Variants in GPR141 observed in about 807,000 individuals in gnomAD.
GPR141 encodes probable G protein-coupled receptor 141.
In GPR141, 6 loss-of-function variants were observed where a neutral mutation model predicts 6.8. The observed-to-expected ratio is 0.88, with a 90% CI of 0.48 to 1.74. GPR141 has a LOEUF of 1.74. Among genes scored for constraint, GPR141 ranks in the 40% most tolerant of loss-of-function variants. The probability of loss-of-function intolerance (pLI) is 0.01; values close to 1 mark genes in which losing one functional copy is unlikely to be tolerated. For missense variants in GPR141, 372 were observed against 372.9 expected, an observed-to-expected ratio of 1.00 and a Z score of 0.02; for synonymous variants, 140 against 142.3, an observed-to-expected ratio of 0.98 and a Z score of 0.11.
chr7:37,717,277 T>A (rs145338948), intron 2 of GPR141, among the ~76,000 whole-genome samples: 8 of 152,334 alleles, frequency 5.3e-5, no homozygotes, highest in African/African-American at 1.4e-4. Flanking sequence ...GAAAGCTCAG[T>A]TTCTTTCTTC....
At chr7:37,726,697 G>A (rs527520836) in intron 2 of GPR141, among the ~76,000 whole-genome samples, 8 of 152,096 alleles carry the variant, frequency 5.3e-5, no homozygotes, top group Non-Finnish European at 7.4e-5. Context: ...AGTATGTGGT[G>A]TATATTATAT....
rs575765441 is a variant in GPR141, at chr7:37,729,667, C to T, written c.-14-10713C>T. ...TTTTTGAGAAAGGAGCTGAGAATGT[C>T]CCGGGGGCCTGAAGGGCTTGAAAGA... On this transcript the variant is annotated intron_variant, in intron 2 of 2. Transcript: ENST00000334425. Among the ~76,000 whole-genome samples the T allele has an allele frequency of 7.9e-5, 12 of 152,292 alleles. No homozygotes were observed. In the East Asian group the frequency reaches 2.1e-3, roughly 27 times the overall value.
At chr7:37,697,425 T>C (rs1399589516) in intron 2 of GPR141, among the ~76,000 whole-genome samples, 1 of 152,254 alleles carries the variant, frequency 6.6e-6, no homozygotes, top group Non-Finnish European at 1.5e-5. Flanking sequence ...TAAAGTTTAT[T>C]TTAAAAACTT....
Position 37,740,639 on chromosome 7 carries a change from G to A in GPR141, c.246G>A (p.Met82Ile), listed in dbSNP as rs1232527888. 1.2e-6 allele frequency: 2 copies of A among 1,614,010 alleles called. No homozygotes were observed. The highest frequency in any genetic ancestry group is 1.7e-6 in the Non-Finnish European group (2 of 1,180,016). Reference protein sequence around the residue: ...RLTYLIKKTWMFGLPFCKFVS... With the variant: ...RLTYLIKKTWIFGLPFCKFVS... The stretch of plus-strand genomic sequence containing the variant: ...CCTACCTCATCAAGAAGACTTGGAT[G>A]TTTGGGCTGCCCTTCTGCAAATTTG... The change falls in exon 3 of 3, where the codon ATG (methionine) becomes ATA (isoleucine). Residue 82 changes from methionine (M) to isoleucine (I), a missense_variant. Coordinates refer to ENST00000334425, the MANE Select transcript of GPR141 (RefSeq NM_001381946.1).
intron 2 of GPR141, among the ~76,000 whole-genome samples, chr7:37,720,666 G>C (rs555238681): frequency 2.6e-5 from 4 of 151,376 alleles, no homozygotes; most frequent in African/African-American, 9.7e-5. Flanking sequence ...GCGTGAACCC[G>C]GAAGGCGGAG....
At chr7:37,735,350 T>A (rs1372102481) in intron 2 of GPR141, among the ~76,000 whole-genome samples, 1 of 152,154 alleles carries the variant, frequency 6.6e-6, no homozygotes, top group Non-Finnish European at 1.5e-5. Context: ...TTCTGGGACT[T>A]GGGGGGATGG....
Position 37,741,439 on chromosome 7 carries a change from T to C in GPR141, c.*128T>C. The C allele has an allele frequency of 1.4e-6, 1 of 696,550 alleles. No homozygotes were observed. The highest frequency in any genetic ancestry group is 2.4e-6 in the Non-Finnish European group (1 of 424,554). The allele number at this position is 696,550 out of a possible 1,614,324, so 43.1% of individuals were successfully genotyped here. The stretch of plus-strand genomic sequence containing the variant: ...TGATGTACCCAAAACAAAAGGACTA[T>C]AAAATGCAAGAGCCCTCATTGTAGT... On this transcript the variant is annotated 3_prime_UTR_variant, in exon 3 of 3. Transcript: ENST00000334425.
At chr7:37,709,329 A>G (rs1810683002) in intron 2 of GPR141, among the ~76,000 whole-genome samples, 1 of 152,214 alleles carries the variant, frequency 6.6e-6, no homozygotes, top group Non-Finnish European at 1.5e-5. Context: ...GAAATTTTCT[A>G]TTTTATTTAA....
At chr7:37,709,016 C>T (rs775636421) in intron 2 of GPR141, among the ~76,000 whole-genome samples, 1 of 152,150 alleles carries the variant, frequency 6.6e-6, no homozygotes, top group Non-Finnish European at 1.5e-5. Context: ...TATATATCCA[C>T]AAGCTATAGC....
intron 2 of GPR141, among the ~76,000 whole-genome samples, chr7:37,695,146 CTG>C (rs1809957476): frequency 6.6e-6 from 1 of 152,198 alleles, no homozygotes; most frequent in African/African-American, 2.4e-5. Context: ...GGTTCCACTG[CTG>C]CTTGGTCTCC....
intron 2 of GPR141, among the ~76,000 whole-genome samples, chr7:37,709,169 G>T (rs558144976): frequency 6.6e-6 from 1 of 152,046 alleles, no homozygotes; most frequent in Non-Finnish European, 1.5e-5. Context: ...AGAGATCATC[G>T]TACACAGAAA....
intron 2 of GPR141, among the ~76,000 whole-genome samples, chr7:37,705,784 C>T (rs1810497330): frequency 6.6e-6 from 1 of 152,118 alleles, no homozygotes; most frequent in South Asian, 2.1e-4. Flanking sequence ...TAAGTGAGAA[C>T]CACGTGTCAC....
intron 2 of GPR141, among the ~76,000 whole-genome samples, chr7:37,701,261 C>T (rs718678): frequency 0.14 from 21,502 of 151,914 alleles, 1,860 homozygotes; most frequent in South Asian, 0.26. Context: ...CATTCATTTA[C>T]GAAAATAGTA....
intron 2 of GPR141, among the ~76,000 whole-genome samples, chr7:37,715,451 C>CT (rs1262672272): frequency 6.6e-6 from 1 of 151,918 alleles, no homozygotes; most frequent in Non-Finnish European, 1.5e-5. Flanking sequence ...TTTTTTCCTC[C>CT]TTTAAAAAAA....
intron 2 of GPR141, among the ~76,000 whole-genome samples, chr7:37,689,871 G>T (rs1389300246): frequency 2.0e-5 from 3 of 149,172 alleles, no homozygotes; most frequent in African/African-American, 7.5e-5. Flanking sequence ...CATTTCTCTT[G>T]TTATTTTTTT....
At chr7:37,732,164 G>C (rs1311162158) in intron 2 of GPR141, among the ~76,000 whole-genome samples, 10 of 115,380 alleles carry the variant, frequency 8.7e-5, no homozygotes, top group Non-Finnish European at 8.6e-5. Context: ...TTTTTTTTGA[G>C]ATGGAGTCTC....
chr7:37,742,430 G>A lies in GPR141; in HGVS notation c.*1119G>A, dbSNP rs913404369. ...CCCTGGACAGGCCCCATTGTGTGAT[G>A]TTCCCCTCCCTGTGTCCATGTGTTT... is the stretch of plus-strand genomic sequence containing the variant. On this transcript the variant is annotated 3_prime_UTR_variant, in exon 3 of 3. Coordinates refer to ENST00000334425, the MANE Select transcript of GPR141 (RefSeq NM_001381946.1). 2.1e-4 allele frequency among the ~76,000 whole-genome samples: 31 copies of A among 149,484 alleles called. No homozygotes were observed. The highest frequency in any genetic ancestry group is 1.3e-3 in the Admixed American group (19 of 14,990).
rs1761473439 is a variant in GPR141 at position 37,741,783 on chromosome 7, T to G, written c.*472T>G. 6.6e-6 allele frequency among the ~76,000 whole-genome samples: 1 copy of G among 152,266 alleles called. No homozygotes were observed. Among genetic ancestry groups the G allele is most frequent in the East Asian group, 1.9e-4 (1 of 5,186 alleles). ...TTCGCTAACCAGGTTAGATGTCCCA[T>G]TCATCTCATGCCCTGATAAAAACTG... is the stretch of plus-strand genomic sequence containing the variant. On this transcript the variant is annotated 3_prime_UTR_variant, in exon 3 of 3. Transcript: ENST00000334425.
chr7:37,734,346 T>G (rs536737592), intron 2 of GPR141, among the ~76,000 whole-genome samples: 1 of 152,352 alleles, frequency 6.6e-6, no homozygotes, highest in South Asian at 2.1e-4. Context: ...ACAGTAACAC[T>G]GCAAACAGTA....
Sources: allele counts gnomAD v4.1 joint callset (sites outside exome capture counted in the v4.1 genomes callset), GRCh38; gene constraint gnomAD v4.1.1; transcripts MANE v1.5; gene names NCBI Gene and HGNC (gene_info 2026-07-23, HGNC 2026-07-21).